MON1A: variants seen among roughly 807,000 people sequenced by gnomAD.
MON1A encodes the protein vacuolar fusion protein MON1 homolog A.
In MON1A, 29 loss-of-function variants were observed where a neutral mutation model predicts 44.6. The ratio of observed to expected loss-of-function variants is 0.65; its 90% CI spans 0.48 to 0.89. The LOEUF (loss-of-function observed/expected upper bound fraction) is 0.89. Ranked by LOEUF, MON1A falls within the 40% of genes least tolerant of loss-of-function variation. The probability of loss-of-function intolerance (pLI) is 0.00; values close to 1 mark genes in which losing one functional copy is unlikely to be tolerated. For missense variants in MON1A, 615 were observed against 759.6 expected, an observed-to-expected ratio of 0.81 and a Z score of 2.24; for synonymous variants, 275 against 316.4, an observed-to-expected ratio of 0.87 and a Z score of 1.39.
chr3:49,908,906 A>T lies in MON1A; in HGVS notation c.*108T>A. On this transcript the variant is annotated 3_prime_UTR_variant, in exon 6 of 6. Coordinates refer to ENST00000296473, the MANE Select transcript of MON1A (RefSeq NM_032355.4). ...AGCACTTTAATGCATTCACCAACCC[A>T]CAGTCCCTGCCCGCTGGCTGGGCAA... 7.4e-7 allele frequency: 1 copy of T among 1,353,378 alleles called. No homozygotes were observed. Among genetic ancestry groups the T allele is most frequent in the Non-Finnish European group, 1.0e-6 (1 of 997,774 alleles). 83.8% of individuals were successfully genotyped at this position (1,353,378 alleles called of 1,614,324 possible). A position where few individuals can be genotyped will look rare whatever the true frequency, so the allele number is the denominator to read the frequency against.
In MON1A at chr3:49,909,494, T is replaced by G. The variant is rs567839624; in HGVS notation, c.1380-94A>C. ...AACACCTATTCCTATCCAGGAAGAC[T>G]CTATCTTATGTCCTACCCTCCAGGT... On this transcript the variant is annotated intron_variant, in intron 4 of 5. Coordinates refer to ENST00000296473, the MANE Select transcript of MON1A (RefSeq NM_032355.4). This position sits in a 1 kb window ranked among gnomAD's most constrained non-coding sequence, Gnocchi z 4.0. The G allele has an allele frequency of 1.6e-5, 25 of 1,516,018 alleles. No homozygotes were observed. The highest frequency in any genetic ancestry group is 2.2e-5 in the Non-Finnish European group (24 of 1,115,664). The allele number at this position is 1,516,018 out of a possible 1,614,324, so 93.9% of individuals were successfully genotyped here. A position where few individuals can be genotyped will look rare whatever the true frequency, so the allele number is the denominator to read the frequency against.
Position 49,911,255 on chromosome 3 carries a change from T to C in MON1A, c.613+271A>G, listed in dbSNP as rs1471577361. On this transcript the variant is annotated intron_variant, in intron 3 of 5. Coordinates refer to ENST00000296473, the MANE Select transcript of MON1A (RefSeq NM_032355.4). This position sits in a 1 kb window ranked among gnomAD's most constrained non-coding sequence, Gnocchi z 5.7. ...ATAGATAGATAGATAGAGTTTGTTG[T>C]TGTTGTTGTTGTTGCCTCCCCAGGG... Among the ~76,000 whole-genome samples, 2 of 97,940 alleles carry C rather than the reference T, an allele frequency of 2.0e-5. No individual in the cohort carries two copies. The highest frequency in any genetic ancestry group is 4.5e-5 in the Non-Finnish European group (2 of 44,612). The allele number at this position is 97,940 out of a possible 152,430, so 64.3% of individuals were successfully genotyped here.
chr3:49,915,447 T>A (rs1366375505), intron 1 of MON1A, among the ~76,000 whole-genome samples: 1 of 152,112 alleles, frequency 6.6e-6, no homozygotes, highest in African/African-American at 2.4e-5. Flanking sequence ...GAGGATCACA[T>A]AAACCCAGCA....
In MON1A at chr3:49,910,901, AAAG is replaced by A. The variant is rs1445116375; in HGVS notation, c.614-20_614-18del. 9 of 1,575,744 alleles carry A rather than the reference AAAG, an allele frequency of 5.7e-6. No individual in the cohort carries two copies. In the Admixed American group the frequency reaches 9.1e-5, roughly 16 times the overall value. On this transcript the variant is annotated intron_variant, in intron 3 of 5. Coordinates refer to ENST00000296473, the MANE Select transcript of MON1A (RefSeq NM_032355.4). The surrounding 1 kb of genome is among the most constrained non-coding windows in gnomAD (Gnocchi z 8.0). ...TGTAGCCATCTGAGAGCGGGACAGG[AAAG>A]AAGGATGTCAGCCTCAGCGGCAGCT...
At chr3:49,929,457 C>T in intron 1 of MON1A, 152 bp downstream of exon 1, 1 of 893,742 alleles carries the variant, frequency 1.1e-6, no homozygotes, top group South Asian at 1.5e-5. Context: ...TGGGGACTAG[C>T]CGGCTGAGGG....
Position 49,910,597 on chromosome 3 carries a change from C to A in MON1A, c.901G>T (p.Ala301Ser), listed in dbSNP as rs757870706. ...CTGGCGCTCACAGTGTCGCGCACGG[C>A]CGCCGCCAGGGGCAGGCACCGTGCC... ...GAARCLPLAAAVRDTVSASLQ... is the reference protein window; with the variant it reads ...GAARCLPLAASVRDTVSASLQ... Residue 301 changes from alanine (A) to serine (S), a missense_variant, in exon 4 of 6, where the codon GCC becomes TCC. Ala to Ser is a moderately conservative substitution (Grantham distance 99). Coordinates refer to ENST00000296473, the MANE Select transcript of MON1A (RefSeq NM_032355.4). This position sits in a 1 kb window ranked among gnomAD's most constrained non-coding sequence, Gnocchi z 8.0. 2 of 1,603,670 alleles carry A rather than the reference C, an allele frequency of 1.2e-6. No homozygotes were observed. The highest frequency in any genetic ancestry group is 1.7e-6 in the Non-Finnish European group (2 of 1,174,622).
In MON1A at chr3:49,910,733, G is replaced by A; in HGVS notation, c.765C>T (p.Ile255=). ...AATCATAGTTCTGCTTCTGCTGGAA[G>A]ATGTGGCTCAGCTGCGCACCGGTAA... ...SLLTGAQLSH[I]FQQKQNYDLR... Residue 255 remains isoleucine, a synonymous_variant, in exon 4 of 6, where the codon ATC becomes ATT. Coordinates refer to ENST00000296473, the MANE Select transcript of MON1A (RefSeq NM_032355.4). This position sits in a 1 kb window ranked among gnomAD's most constrained non-coding sequence, Gnocchi z 8.0. The A allele has an allele frequency of 6.2e-7, 1 of 1,614,078 alleles. No homozygotes were observed. The highest frequency in any genetic ancestry group is 1.7e-5 in the Admixed American group (1 of 60,008).
intron 1 of MON1A, among the ~76,000 whole-genome samples, chr3:49,920,064 C>G (rs558032938): frequency 3.1e-4 from 47 of 152,324 alleles, no homozygotes; most frequent in African/African-American, 1.0e-3. Context: ...CAGGAATTGT[C>G]TCTGCCGTAG....
rs2082873602 is a variant in MON1A, at chr3:49,911,182, T to C, written c.614-298A>G. Among the ~76,000 whole-genome samples the C allele has an allele frequency of 7.0e-6, 1 of 141,942 alleles. No homozygotes were observed. The highest frequency in any genetic ancestry group is 2.0e-4 in the East Asian group (1 of 4,944). The allele number at this position is 141,942 out of a possible 152,430, so 93.1% of individuals were successfully genotyped here. On this transcript the variant is annotated intron_variant, in intron 3 of 5. Coordinates refer to ENST00000296473, the MANE Select transcript of MON1A (RefSeq NM_032355.4). This position sits in a 1 kb window ranked among gnomAD's most constrained non-coding sequence, Gnocchi z 5.7. ...TGGGTGGAGCTCAGGACCTGGGAGA[T>C]AGATAGATTAGATAGATAGATAGAT...
At chr3:49,914,811 G>A (rs955048063) in intron 1 of MON1A, among the ~76,000 whole-genome samples, 2 of 152,028 alleles carry the variant, frequency 1.3e-5, no homozygotes, top group Admixed American at 1.3e-4. Flanking sequence ...CTCCCAAAGT[G>A]CTGGGATTAC....
chr3:49,926,087 G>A (rs1465405329), intron 1 of MON1A, among the ~76,000 whole-genome samples: 1 of 152,160 alleles, frequency 6.6e-6, no homozygotes, highest in Non-Finnish European at 1.5e-5. Context: ...TCACAGTGGT[G>A]CACAAGGCCC....
At chr3:49,918,417 C>CTT (rs530137835) in intron 1 of MON1A, among the ~76,000 whole-genome samples, 1 of 145,746 alleles carries the variant, frequency 6.9e-6, no homozygotes. Context: ...GGCCTTCCCT[C>CTT]TTTTTTTTTT....
At position 49,910,566 on chromosome 3, in the gene MON1A, T is replaced by C; in HGVS notation, c.932A>G (p.Gln311Arg). Residue 311 changes from glutamine (Q) to arginine (R), a missense_variant, in exon 4 of 6, where the codon CAG becomes CGG. Coordinates refer to ENST00000296473, the MANE Select transcript of MON1A (RefSeq NM_032355.4). The surrounding 1 kb of genome is among the most constrained non-coding windows in gnomAD (Gnocchi z 8.0). ...AVRDTVSASL[Q>R]QARARSLVFS... Reference sequence around the variant, plus strand: ...GACCAGGCTGCGCGCACGCGCCTGCTGCAGGCTGGCGCTCACAGTGTCGCG... The same window carrying C: ...GACCAGGCTGCGCGCACGCGCCTGCCGCAGGCTGGCGCTCACAGTGTCGCG... 6.2e-7 allele frequency: 1 copy of C among 1,610,934 alleles called. No individual in the cohort carries two copies. The highest frequency in any genetic ancestry group is 8.5e-7 in the Non-Finnish European group (1 of 1,178,478).
At chr3:49,918,415 C>T (rs1475965117) in intron 1 of MON1A, among the ~76,000 whole-genome samples, 2 of 151,506 alleles carry the variant, frequency 1.3e-5, no homozygotes. Flanking sequence ...TAGGCCTTCC[C>T]TCTTTTTTTT....
At position 49,909,936 on chromosome 3, in the gene MON1A, A is replaced by AT. The variant is rs2082854050; in HGVS notation, c.1379+182dup. The AT allele has an allele frequency of 3.1e-6, 2 of 647,766 alleles. No homozygotes were observed. Among genetic ancestry groups the AT allele is most frequent in the African/African-American group, 3.6e-5 (2 of 55,272 alleles). The allele number at this position is 647,766 out of a possible 1,614,324, so 40.1% of individuals were successfully genotyped here. ...TTCTGGTTAATAAAGTAGAGAGGGT[A>AT]TGCTCATGGGGTGATGGAGAGTCTG... On this transcript the variant is annotated intron_variant, in intron 4 of 5. Transcript: ENST00000296473. The surrounding 1 kb of genome is among the most constrained non-coding windows in gnomAD (Gnocchi z 4.0).
intron 2 of MON1A, chr3:49,912,877 A>C: frequency 5.0e-6 from 2 of 396,802 alleles, no homozygotes; most frequent in South Asian, 4.3e-5. Context: ...ATAAAGAGAT[A>C]AAATTATGAA....
rs1466994515 is a variant in MON1A at position 49,910,429 on chromosome 3, A to T, written c.1069T>A (p.Ser357Thr). ...LLFNLISSSS[S>T]FREGEAWTPV... is the part of the protein sequence containing the mutation. ...GTCCAGGCCTCGCCCTCGCGAAAGG[A>T]CGAGGAGGAACTAATGAGGTTGAAG... Residue 357 changes from serine (S) to threonine (T), a missense_variant, in exon 4 of 6, where the codon TCC becomes ACC. Ser to Thr is a moderately conservative substitution (Grantham distance 58, BLOSUM62 1). Transcript: ENST00000296473. The surrounding 1 kb of genome is among the most constrained non-coding windows in gnomAD (Gnocchi z 8.0). The T allele has an allele frequency of 1.2e-6, 2 of 1,614,096 alleles. No homozygotes were observed. Among genetic ancestry groups the T allele is most frequent in the Non-Finnish European group, 1.7e-6 (2 of 1,180,040 alleles).
chr3:49,918,052 G>A lies in MON1A; in HGVS notation c.-13-4693C>T, dbSNP rs560641160. ...CAAAATTGCGTCTCAAAAAAAACAAGAAGGCCAGGCGCGGTGGCACACACC... is the reference window on the plus strand; with the variant it reads ...CAAAATTGCGTCTCAAAAAAAACAAAAAGGCCAGGCGCGGTGGCACACACC... On this transcript the variant is annotated intron_variant, in intron 1 of 5. Transcript: ENST00000296473. Among the ~76,000 whole-genome samples the A allele has an allele frequency of 1.9e-4, 29 of 149,970 alleles. No individual in the cohort carries two copies. In the South Asian group the frequency reaches 6.1e-3, roughly 32 times the overall value.
At position 49,910,897 on chromosome 3, in the gene MON1A, C is replaced by T; in HGVS notation, c.614-13G>A. On this transcript the variant is annotated splice_polypyrimidine_tract_variant and intron_variant, in intron 3 of 5. Coordinates refer to ENST00000296473, the MANE Select transcript of MON1A (RefSeq NM_032355.4). The surrounding 1 kb of genome is among the most constrained non-coding windows in gnomAD (Gnocchi z 8.0). ...ACCTTGTAGCCATCTGAGAGCGGGA[C>T]AGGAAAGAAGGATGTCAGCCTCAGC... 1 of 1,580,488 alleles carries T rather than the reference C, an allele frequency of 6.3e-7. No individual in the cohort carries two copies. The highest frequency in any genetic ancestry group is 1.1e-5 in the South Asian group (1 of 88,712).
Sources: allele counts gnomAD v4.1 joint callset (sites outside exome capture counted in the v4.1 genomes callset), GRCh38; gene constraint gnomAD v4.1.1; non-coding constraint Gnocchi (gnomAD v3.1); transcripts MANE v1.5; gene names NCBI Gene and HGNC (gene_info 2026-07-23, HGNC 2026-07-21).